The following TJP1 variants were observed in gnomAD, a reference collection of about 807,000 sequenced individuals.
TJP1 encodes tight junction protein ZO-1.
A neutral mutation model predicts 194.2 loss-of-function variants in TJP1; 43 were observed. The ratio of observed to expected loss-of-function variants is 0.22; its 90% CI spans 0.17 to 0.29. The LOEUF (loss-of-function observed/expected upper bound fraction) is 0.29. Ranked by LOEUF, TJP1 falls within the 10% of genes least tolerant of loss-of-function variation. The pLI is 1.00. For synonymous variants in TJP1, 801 were observed against 779.0 expected (o/e 1.03, Z -0.47); for missense variants, 1,971 against 2,185.7 (o/e 0.90, Z 1.96).
At chr15:29,751,327 A>G (rs1292127040) in intron 8 of TJP1, among the ~76,000 whole-genome samples, 1 of 152,250 alleles carries the variant, frequency 6.6e-6, no homozygotes, top group Non-Finnish European at 1.5e-5. Context: ...TCTGCTTTCT[A>G]AAACATACAT....
At chr15:29,731,419 G>A (rs978244754) in intron 15 of TJP1, among the ~76,000 whole-genome samples, 61 of 152,158 alleles carry the variant, frequency 4.0e-4, no homozygotes, top group Non-Finnish European at 6.5e-4. Context: ...GGTTACCAGT[G>A]TGTCAGGCAA....
At chr15:29,738,568 T>C (rs1314264086) in intron 10 of TJP1, among the ~76,000 whole-genome samples, 1 of 152,146 alleles carries the variant, frequency 6.6e-6, no homozygotes, top group East Asian at 1.9e-4. Flanking sequence ...CACTGGCTGG[T>C]GGCATCCTTG....
chr15:29,710,063 C>G (rs958634701), intron 24 of TJP1, among the ~76,000 whole-genome samples: 3 of 151,934 alleles, frequency 2.0e-5, no homozygotes, highest in East Asian at 1.9e-4. Context: ...GGAGAATCAC[C>G]TGAACCCGAG....
chr15:29,832,571 G>A (rs552132336), intron 2 of TJP1, among the ~76,000 whole-genome samples: 1 of 152,270 alleles, frequency 6.6e-6, no homozygotes, highest in Non-Finnish European at 1.5e-5. Flanking sequence ...GCACTGTGAG[G>A]GACATGCCAT....
rs753681971 is a variant in TJP1 at position 29,708,987 on chromosome 15, G to C, written c.4422C>G (p.Asp1474Glu). 3.1e-6 allele frequency: 5 copies of C among 1,614,008 alleles called. No homozygotes were observed. Among genetic ancestry groups the C allele is most frequent in the Non-Finnish European group, 4.2e-6 (5 of 1,180,044 alleles). ...CTGGCTTATTCTGAGATGGAGGTGG[G>C]TCTGGTTTGGACACTAAGGAATTCT... ...DFQNSLVSKP[D>E]PPPSQNKPAT... The change falls in exon 25 of 28, where the codon GAC (aspartate) becomes GAG (glutamate). Residue 1474 changes from aspartate to glutamate, a missense_variant. Asp to Glu is a conservative substitution (Grantham distance 45). This residue lies in a region of TJP1 where 1,108 missense variants were observed against 1,128.5 expected (regional missense o/e 0.98). Transcript: ENST00000614355.
intron 2 of TJP1, among the ~76,000 whole-genome samples, chr15:29,834,257 C>A (rs1258440114): frequency 6.7e-6 from 1 of 149,724 alleles, no homozygotes; most frequent in African/African-American, 2.5e-5. Context: ...AAGTCTCACT[C>A]TTTTGCCAGG....
chr15:29,895,327 C>T (rs181702200), intron 2 of TJP1, among the ~76,000 whole-genome samples: 146 of 152,300 alleles, frequency 9.6e-4, no homozygotes, highest in African/African-American at 3.4e-3. Context: ...ACTCAACAGA[C>T]GCCAACCCAC....
intron 18 of TJP1, among the ~76,000 whole-genome samples, chr15:29,721,670 T>C (rs936176494): frequency 6.6e-6 from 1 of 152,148 alleles, no homozygotes; most frequent in East Asian, 1.9e-4. Context: ...TGGAACAGTT[T>C]GGAGGGCTCA....
chr15:29,846,413 C>T (rs545543864), intron 2 of TJP1, among the ~76,000 whole-genome samples: 42 of 152,210 alleles, frequency 2.8e-4, no homozygotes, highest in South Asian at 1.0e-3. Context: ...AGAAAGCTTT[C>T]GGTTAATAAC....
intron 2 of TJP1, among the ~76,000 whole-genome samples, chr15:29,830,672 A>G (rs1472471490): frequency 6.6e-6 from 1 of 151,962 alleles, no homozygotes; most frequent in African/African-American, 2.4e-5. Flanking sequence ...AAGTTGAAAA[A>G]CTCAGCATTA....
At chr15:29,859,190 T>C (rs909798254) in intron 2 of TJP1, among the ~76,000 whole-genome samples, 2 of 152,216 alleles carry the variant, frequency 1.3e-5, no homozygotes, top group African/African-American at 4.8e-5. Context: ...ATCATAACTA[T>C]ATAAAACATT....
chr15:29,873,192 G>C (rs2052585315), intron 2 of TJP1, among the ~76,000 whole-genome samples: 1 of 152,286 alleles, frequency 6.6e-6, no homozygotes, highest in South Asian at 2.1e-4. Flanking sequence ...CAGAGTGAGT[G>C]CTGGGAGCTT....
Position 29,700,173 on chromosome 15 carries a change from T to G in TJP1, c.*1422A>C. 1 of 398,634 alleles carries G rather than the reference T, an allele frequency of 2.5e-6. No homozygotes were observed. Among genetic ancestry groups the G allele is most frequent in the Non-Finnish European group, 4.4e-6 (1 of 226,000 alleles). 24.7% of individuals were successfully genotyped at this position (398,634 alleles called of 1,614,324 possible). A position where few individuals can be genotyped will look rare whatever the true frequency, so the allele number is the denominator to read the frequency against. On this transcript the variant is annotated 3_prime_UTR_variant, in exon 28 of 28. Coordinates refer to ENST00000614355, the MANE Select transcript of TJP1 (RefSeq NM_001330239.4). Reference sequence around the variant, plus strand: ...GCACTTTATTTTAAAAAGTTTTATTTTGGAGATTTAGAAATTTGAGATTTT... The same window carrying G: ...GCACTTTATTTTAAAAAGTTTTATTGTGGAGATTTAGAAATTTGAGATTTT...
chr15:29,894,849 G>A (rs1329728246), intron 2 of TJP1, among the ~76,000 whole-genome samples: 1 of 152,222 alleles, frequency 6.6e-6, no homozygotes, highest in African/African-American at 2.4e-5. Flanking sequence ...GGCTGACAAG[G>A]TTTACTGACT....
At chr15:29,949,648 C>T (rs1248329273) in intron 2 of TJP1, among the ~76,000 whole-genome samples, 1 of 129,270 alleles carries the variant, frequency 7.7e-6, no homozygotes, top group Non-Finnish European at 1.7e-5. Flanking sequence ...CCTCCACCAC[C>T]ACCACCTCCA....
At chr15:29,762,964 T>C (rs1699049402) in intron 5 of TJP1, among the ~76,000 whole-genome samples, 2 of 152,164 alleles carry the variant, frequency 1.3e-5, no homozygotes. Flanking sequence ...AGATTGACCA[T>C]TTTATTGATG....
At chr15:29,747,318 A>G (rs2044861609) in intron 8 of TJP1, among the ~76,000 whole-genome samples, 1 of 152,136 alleles carries the variant, frequency 6.6e-6, no homozygotes, top group Non-Finnish European at 1.5e-5. Context: ...TAAATTGTAA[A>G]AGATCAAAAT....
intron 23 of TJP1, among the ~76,000 whole-genome samples, chr15:29,712,506 A>G (rs2042302509): frequency 1.3e-5 from 2 of 152,220 alleles, no homozygotes; most frequent in East Asian, 3.8e-4. Context: ...ATGTCATTTA[A>G]AAATATCAAC....
intron 2 of TJP1, among the ~76,000 whole-genome samples, chr15:29,930,978 T>C (rs762004992): frequency 2.7e-4 from 41 of 152,194 alleles, no homozygotes; most frequent in Non-Finnish European, 5.6e-4. Flanking sequence ...CTGACCTTCA[T>C]GCAGTCAAAA....
Sources: allele counts gnomAD v4.1 joint callset (sites outside exome capture counted in the v4.1 genomes callset), GRCh38; gene constraint gnomAD v4.1.1; regional missense constraint gnomAD v4.1.1; transcripts MANE v1.5; gene names NCBI Gene and HGNC (gene_info 2026-07-23, HGNC 2026-07-21).